CNTNAP5: variants seen among roughly 807,000 people sequenced by gnomAD.
CNTNAP5 encodes contactin associated protein family member 5.
A neutral mutation model predicts 150.2 loss-of-function variants in CNTNAP5; 72 were observed. That is an observed-to-expected ratio of 0.48 (90% CI 0.40 to 0.58). CNTNAP5 has a LOEUF of 0.58. Ranked by LOEUF, CNTNAP5 falls within the 20% of genes least tolerant of loss-of-function variation. CNTNAP5 has a pLI of 0.00. For synonymous variants in CNTNAP5, 672 were observed against 619.8 expected, an observed-to-expected ratio of 1.08 and a Z score of -1.25; for missense variants, 1,636 against 1,626.2, an observed-to-expected ratio of 1.01 and a Z score of -0.10.
intron 4 of CNTNAP5, among the ~76,000 whole-genome samples, chr2:124,426,233 G>A (rs955457999): frequency 6.6e-6 from 1 of 152,144 alleles, no homozygotes; most frequent in African/African-American, 2.4e-5. Flanking sequence ...AGGAATGTCA[G>A]AAATTTTGAA....
rs557629766 is a variant in CNTNAP5, at chr2:124,618,333, G to A, written c.1876+8413G>A. 5.3e-5 allele frequency among the ~76,000 whole-genome samples: 8 copies of A among 152,246 alleles called. No homozygotes were observed. The South Asian group carries it at 6.2e-4, about 12-fold the overall frequency. On this transcript the variant is annotated intron_variant, in intron 12 of 23. Transcript: ENST00000682447. ...GTCCTCACAGCATGCATGGACCTTA[G>A]CACTGACCCCATATCTTGAGGACAG... is the stretch of plus-strand genomic sequence containing the variant.
intron 21 of CNTNAP5, among the ~76,000 whole-genome samples, chr2:124,886,693 T>C (rs1399481727): frequency 6.6e-6 from 1 of 152,060 alleles, no homozygotes; most frequent in African/African-American, 2.4e-5. Context: ...GTTAAAACAG[T>C]AACATGCATT....
At chr2:124,316,401 C>G (rs1688960432) in intron 3 of CNTNAP5, among the ~76,000 whole-genome samples, 1 of 152,122 alleles carries the variant, frequency 6.6e-6, no homozygotes, top group Non-Finnish European at 1.5e-5. Context: ...TGATAAATAT[C>G]TATAATACAT....
intron 1 of CNTNAP5, among the ~76,000 whole-genome samples, chr2:124,172,869 C>T (rs1184703322): frequency 6.6e-6 from 1 of 151,966 alleles, no homozygotes; most frequent in African/African-American, 2.4e-5. Flanking sequence ...CACTTTTTTG[C>T]ACTCTGCTTT....
At chr2:124,433,918 G>A (rs910307964) in intron 4 of CNTNAP5, among the ~76,000 whole-genome samples, 1 of 152,182 alleles carries the variant, frequency 6.6e-6, no homozygotes, top group African/African-American at 2.4e-5. Context: ...GCACAGATAA[G>A]GCAGTGATAC....
intron 19 of CNTNAP5, among the ~76,000 whole-genome samples, chr2:124,801,503 G>A (rs1007797693): frequency 7.9e-5 from 12 of 152,316 alleles, no homozygotes; most frequent in Non-Finnish European, 5.9e-5. Context: ...AATAATGCAT[G>A]ACTATTTGTT....
At chr2:124,477,611 G>C (rs112378547) in intron 7 of CNTNAP5, among the ~76,000 whole-genome samples, 1 of 151,116 alleles carries the variant, frequency 6.6e-6, no homozygotes, top group Non-Finnish European at 1.5e-5. Context: ...CATGAGCTTA[G>C]GTCAACCATC....
At chr2:124,718,622 G>A (rs1679991001) in intron 13 of CNTNAP5, among the ~76,000 whole-genome samples, 1 of 152,066 alleles carries the variant, frequency 6.6e-6, no homozygotes. Context: ...TTTCTCTTAG[G>A]TGTGATGGGT....
chr2:124,375,270 C>A (rs761484157), intron 3 of CNTNAP5, among the ~76,000 whole-genome samples: 5 of 151,944 alleles, frequency 3.3e-5, no homozygotes, highest in East Asian at 1.9e-4. Flanking sequence ...CAGTAAATTT[C>A]TTTTATACAA....
chr2:124,297,520 C>A (rs1031786562), intron 3 of CNTNAP5, among the ~76,000 whole-genome samples: 19 of 151,994 alleles, frequency 1.3e-4, no homozygotes, highest in African/African-American at 3.9e-4. Flanking sequence ...TTTTTCCAAT[C>A]AAAAAGTTCC....
At chr2:124,535,175 A>C (rs1378033654) in intron 10 of CNTNAP5, among the ~76,000 whole-genome samples, 1 of 152,054 alleles carries the variant, frequency 6.6e-6, no homozygotes, top group East Asian at 1.9e-4. Flanking sequence ...ATTTCCTCAT[A>C]CAGTGATGCT....
intron 21 of CNTNAP5, among the ~76,000 whole-genome samples, chr2:124,870,582 C>G (rs2104726268): frequency 6.6e-6 from 1 of 152,166 alleles, no homozygotes; most frequent in African/African-American, 2.4e-5. Flanking sequence ...TCCTATGTAT[C>G]CAGCTCTTCC....
intron 22 of CNTNAP5, among the ~76,000 whole-genome samples, chr2:124,910,036 C>A (rs1020280270): frequency 2.0e-5 from 3 of 151,658 alleles, no homozygotes; most frequent in East Asian, 3.9e-4. Flanking sequence ...TCCCATTTGA[C>A]CCCATCAGCC....
At chr2:124,555,992 T>G (rs1201275906) in intron 10 of CNTNAP5, among the ~76,000 whole-genome samples, 1 of 152,182 alleles carries the variant, frequency 6.6e-6, no homozygotes, top group Admixed American at 6.5e-5. Flanking sequence ...CTACCAAAAA[T>G]TATCTTTAAA....
intron 21 of CNTNAP5, among the ~76,000 whole-genome samples, chr2:124,877,798 A>G (rs1677889957): frequency 1.3e-5 from 2 of 151,904 alleles, no homozygotes; most frequent in South Asian, 4.1e-4. Context: ...TAAAAATGGT[A>G]TAATATTTAT....
chr2:124,442,289 G>C (rs1166509935), intron 5 of CNTNAP5, among the ~76,000 whole-genome samples: 2 of 152,054 alleles, frequency 1.3e-5, no homozygotes, highest in Admixed American at 1.3e-4. Flanking sequence ...ATGCAAGAAG[G>C]GTACAGTGAA....
intron 13 of CNTNAP5, among the ~76,000 whole-genome samples, chr2:124,715,427 C>A (rs189728181): frequency 3.0e-4 from 45 of 152,212 alleles, no homozygotes; most frequent in African/African-American, 9.6e-4. Flanking sequence ...GTCATCCCCC[C>A]AAAGCTAAAT....
chr2:124,459,300 C>T (rs1693193625), intron 6 of CNTNAP5, among the ~76,000 whole-genome samples: 1 of 152,134 alleles, frequency 6.6e-6, no homozygotes, highest in African/African-American at 2.4e-5. Context: ...GGCCAGTGAA[C>T]AGGTGCTCTG....
At chr2:124,524,537 T>C in intron 9 of CNTNAP5, 85 bp downstream of exon 9, 1 of 1,337,320 alleles carries the variant, frequency 7.5e-7, no homozygotes. Context: ...GGTTCTGGTT[T>C]GGTCAATTAG....
Sources: gnomAD v4.1 joint callset for allele counts (sites outside exome capture counted in the v4.1 genomes callset) on GRCh38, gnomAD v4.1.1 for gene constraint, MANE v1.5 for transcripts, NCBI Gene and HGNC (gene_info 2026-07-23, HGNC 2026-07-21) for gene names.